EIF3L: variants seen among roughly 807,000 people sequenced by gnomAD.
EIF3L encodes eukaryotic translation initiation factor 3 subunit L, also known as eIEF associated protein HSPC021.
A neutral mutation model predicts 74.6 loss-of-function variants in EIF3L; 32 were observed. The ratio of observed to expected loss-of-function variants is 0.43; its 90% CI spans 0.32 to 0.58. The LOEUF (loss-of-function observed/expected upper bound fraction) is 0.58, where lower values mean the gene tolerates loss of function less well. Ranked by LOEUF, EIF3L falls within the 20% of genes least tolerant of loss-of-function variation. EIF3L has a pLI of 0.06. For synonymous variants in EIF3L, 256 were observed against 254.4 expected, an observed-to-expected ratio of 1.01 and a Z score of -0.06; for missense variants, 474 against 707.8, an observed-to-expected ratio of 0.67 and a Z score of 3.75.
At position 37,888,123 on chromosome 22, in the gene EIF3L, C is replaced by T. The variant is rs1927415322; in HGVS notation, c.1657-303C>T. 1.3e-5 allele frequency: 4 copies of T among 316,074 alleles called. No individual in the cohort carries two copies. The South Asian group carries it at 3.6e-4, about 28-fold the overall frequency. The allele number at this position is 316,074 out of a possible 1,614,324, so 19.6% of individuals were successfully genotyped here. ...CCTGTTCAAAGCTTCTCATTCTTCC[C>T]CTAACTGAACTAGTAACCTTGAAAC... On this transcript the variant is annotated intron_variant, in intron 12 of 12. Transcript: ENST00000652021.
chr22:37,876,015 A>C lies in EIF3L; in HGVS notation c.1077+4A>C. 1 of 1,609,522 alleles carries C rather than the reference A, an allele frequency of 6.2e-7. No homozygotes were observed. Among genetic ancestry groups the C allele is most frequent in the Non-Finnish European group, 8.5e-7 (1 of 1,176,498 alleles). On this transcript the variant is annotated splice_donor_region_variant and intron_variant, in intron 10 of 12. Coordinates refer to ENST00000652021, the MANE Select transcript of EIF3L (RefSeq NM_016091.4). ...GACCACGTACAAGTATGAGATGGTAAGGGGGACTCTGCCTGCCACCAGTGG... is the reference window on the plus strand; with the variant it reads ...GACCACGTACAAGTATGAGATGGTACGGGGGACTCTGCCTGCCACCAGTGG...
intron 7 of EIF3L, among the ~76,000 whole-genome samples, chr22:37,868,874 T>C (rs1382621047): frequency 6.6e-6 from 1 of 151,852 alleles, no homozygotes; most frequent in East Asian, 1.9e-4. Flanking sequence ...ACTCCCGACC[T>C]CAGGTAATCC....
intron 10 of EIF3L, 162 bp downstream of exon 10, chr22:37,876,173 C>G (rs894738732): frequency 1.4e-6 from 1 of 701,686 alleles, no homozygotes; most frequent in African/African-American, 1.8e-5. Context: ...ATAGATCACC[C>G]AGCTGGAGTG....
intron 8 of EIF3L, among the ~76,000 whole-genome samples, chr22:37,873,514 C>T (rs1481439069): frequency 1.3e-5 from 2 of 151,912 alleles, no homozygotes; most frequent in African/African-American, 4.8e-5. Flanking sequence ...AGGATGGTCT[C>T]GATCTCCTGA....
At chr22:37,863,910 A>G (rs1926001167) in intron 7 of EIF3L, among the ~76,000 whole-genome samples, 1 of 152,028 alleles carries the variant, frequency 6.6e-6, no homozygotes, top group South Asian at 2.1e-4. Context: ...CTGAAAGTAC[A>G]AAAAATTAGC....
intron 11 of EIF3L, chr22:37,883,716 C>G (rs185906340): frequency 6.6e-6 from 1 of 152,276 alleles, no homozygotes; most frequent in Non-Finnish European, 1.5e-5. Flanking sequence ...GAGTTCAAGA[C>G]CAGCCTGGCC....
chr22:37,867,301 G>C (rs111857376), intron 7 of EIF3L, among the ~76,000 whole-genome samples: 19 of 152,232 alleles, frequency 1.2e-4, no homozygotes, highest in African/African-American at 4.1e-4. Flanking sequence ...ACCATGCCTA[G>C]CCAAGACCAA....
At chr22:37,862,092 T>C (rs575521177) in intron 5 of EIF3L, among the ~76,000 whole-genome samples, 1 of 152,334 alleles carries the variant, frequency 6.6e-6, no homozygotes, top group South Asian at 2.1e-4. Flanking sequence ...CACTTCAGCC[T>C]CCCAGAGTGT....
chr22:37,850,096 G>A, intron 2 of EIF3L, 33 bp downstream of exon 2: 1 of 1,610,938 alleles, frequency 6.2e-7, no homozygotes, highest in Non-Finnish European at 8.5e-7. Flanking sequence ...CTGAGTACTC[G>A]TAGGGATCAG....
chr22:37,860,094 G>A (rs902557993), intron 5 of EIF3L, among the ~76,000 whole-genome samples: 4 of 152,184 alleles, frequency 2.6e-5, no homozygotes, highest in Non-Finnish European at 4.4e-5. Flanking sequence ...TTGCCCCACT[G>A]AAGTCCAGAC....
At chr22:37,887,004 C>G (rs73413945) in intron 12 of EIF3L, 159 bp downstream of exon 12, 9,995 of 493,166 alleles carry the variant, frequency 0.02, 728 homozygotes, top group African/African-American at 0.17. Context: ...TCTTAGCTCA[C>G]TGCAACCTCT....
chr22:37,870,064 C>A, intron 7 of EIF3L, 112 bp from the exon 8 acceptor site: 1 of 884,214 alleles, frequency 1.1e-6, no homozygotes, highest in Non-Finnish European at 1.7e-6. Flanking sequence ...GTCATCTCAC[C>A]CTCACCTTGC....
chr22:37,851,210 G>T, intron 2 of EIF3L, 70 bp from the exon 3 acceptor site: 1 of 1,354,564 alleles, frequency 7.4e-7, no homozygotes, highest in Non-Finnish European at 1.0e-6. Flanking sequence ...TTCTGGGGTG[G>T]TCTTGCCATT....
intron 7 of EIF3L, among the ~76,000 whole-genome samples, chr22:37,868,823 G>T (rs1447143594): frequency 6.6e-6 from 1 of 151,638 alleles, no homozygotes; most frequent in East Asian, 1.9e-4. Context: ...TGCATTTTTT[G>T]TACAGATGGG....
At chr22:37,872,896 T>G (rs576081644) in intron 8 of EIF3L, among the ~76,000 whole-genome samples, 1 of 152,298 alleles carries the variant, frequency 6.6e-6, no homozygotes, top group African/African-American at 2.4e-5. Context: ...TTTGAACTGT[T>G]TTATAGGTAG....
Position 37,878,071 on chromosome 22 carries a change from T to C in EIF3L, c.1475T>C (p.Val492Ala), listed in dbSNP as rs1926847828. The C allele has an allele frequency of 6.2e-7, 1 of 1,614,020 alleles. No homozygotes were observed. ...TEQEFRIQLLVFKHKMKNLVW... is the reference protein window; with the variant it reads ...TEQEFRIQLLAFKHKMKNLVW... ...CAGGAGTTCCGGATCCAGCTTCTTG[T>C]CTTCAAACACAAGATGAAGAACCTC... Residue 492 changes from valine to alanine, a missense_variant, in exon 11 of 13, where the codon GTC becomes GCC. By Grantham distance (64) the Val-to-Ala change is moderately conservative. Around this residue, in one of 4 missense-constraint regions of EIF3L, gnomAD observed 293 missense variants for 469.1 expected, o/e 0.62. Coordinates refer to ENST00000652021, the MANE Select transcript of EIF3L (RefSeq NM_016091.4).
chr22:37,870,793 T>TCAA (rs1428237143), intron 8 of EIF3L, among the ~76,000 whole-genome samples: 5 of 152,288 alleles, frequency 3.3e-5, no homozygotes, highest in South Asian at 2.1e-4. Context: ...GCTTCTGCAT[T>TCAA]CAATCTGTTG....
At chr22:37,857,106 A>G (rs140103687) in intron 4 of EIF3L, among the ~76,000 whole-genome samples, 10,064 of 151,958 alleles carry the variant, frequency 0.066, 484 homozygotes, top group Non-Finnish European at 0.1. Context: ...TCATGCCTGT[A>G]ATCCCAGCAC....
At position 37,856,801 on chromosome 22, in the gene EIF3L, G is replaced by A. The variant is rs561057431; in HGVS notation, c.373+1157G>A. 8.6e-5 allele frequency among the ~76,000 whole-genome samples: 13 copies of A among 150,538 alleles called. No homozygotes were observed. In the East Asian group the frequency reaches 2.2e-3, roughly 25 times the overall value. ...AGAGGTTGCGGTGAGCCGAGATCGC[G>A]CCATTGCACTCCAGCCTGGGCAACA... On this transcript the variant is annotated intron_variant, in intron 4 of 12. Transcript: ENST00000652021.
Sources: gnomAD v4.1 joint callset for allele counts (sites outside exome capture counted in the v4.1 genomes callset) on GRCh38, gnomAD v4.1.1 for gene constraint, gnomAD v4.1.1 regional missense constraint, MANE v1.5 for transcripts, NCBI Gene and HGNC (gene_info 2026-07-23, HGNC 2026-07-21) for gene names.